The following IGF2BP3 variants were observed in gnomAD, a reference collection of about 807,000 sequenced individuals.
The protein encoded by IGF2BP3 is insulin like growth factor 2 mRNA binding protein 3.
IGF2BP3 carries 9 observed loss-of-function variants against 73.8 expected under a neutral mutation model. The ratio of observed to expected loss-of-function variants is 0.12; its 90% confidence interval spans 0.07 to 0.21. The LOEUF is 0.21. Ranked by LOEUF, IGF2BP3 falls within the 10% of genes least tolerant of loss-of-function variation. The pLI is 1.00. For synonymous variants in IGF2BP3, 258 were observed against 256.7 expected (o/e 1.01, Z -0.05); for missense variants, 542 against 714.0 (o/e 0.76, Z 2.75).
chr7:23,429,333 T>A (rs1208050323), intron 2 of IGF2BP3, among the ~76,000 whole-genome samples: 1 of 152,208 alleles, frequency 6.6e-6, no homozygotes, highest in African/African-American at 2.4e-5. Flanking sequence ...GTTTATTTTC[T>A]CATTTAACCC....
chr7:23,424,734 T>C (rs774160642), intron 2 of IGF2BP3, among the ~76,000 whole-genome samples: 1 of 152,044 alleles, frequency 6.6e-6, no homozygotes, highest in Non-Finnish European at 1.5e-5. Flanking sequence ...CCTGCCTATC[T>C]ACAAAAAAAT....
At chr7:23,346,128 T>C in intron 7 of IGF2BP3, 66 bp from the exon 8 acceptor site, 1 of 1,528,046 alleles carries the variant, frequency 6.5e-7, no homozygotes, top group South Asian at 1.2e-5. Context: ...AAAGACAATA[T>C]TCACTCATTA....
intron 2 of IGF2BP3, among the ~76,000 whole-genome samples, chr7:23,464,309 T>C (rs932894858): frequency 2.6e-5 from 4 of 152,328 alleles, no homozygotes; most frequent in East Asian, 1.9e-4. Flanking sequence ...ACAAGACTAA[T>C]ATGGAAATAA....
chr7:23,343,903 ACAGCTAATAATT>A (rs1265105787), intron 8 of IGF2BP3, 50 bp from the exon 9 acceptor site: 2 of 1,582,042 alleles, frequency 1.3e-6, no homozygotes, highest in Non-Finnish European at 1.7e-6. Flanking sequence ...TTGGAGGAAG[ACAGCTAATAATT>A]CAGCCACAGA....
rs1044908029 is a variant in IGF2BP3, at chr7:23,469,792, C to A, written c.175+144G>T. The A allele has an allele frequency of 4.5e-4, 170 of 381,926 alleles. No individual in the cohort carries two copies. Among genetic ancestry groups the A allele is most frequent in the Non-Finnish European group, 8.9e-5 (20 of 224,446 alleles). The allele number at this position is 381,926 out of a possible 1,614,324, so 23.7% of individuals were successfully genotyped here. On this transcript the variant is annotated intron_variant, in intron 1 of 14. Coordinates refer to ENST00000258729, the MANE Select transcript of IGF2BP3 (RefSeq NM_006547.3). The surrounding 1 kb of genome is among the most constrained non-coding windows in gnomAD (Gnocchi z 6.1). ...GCCGGAGCTGAGGAGAGCCCCGGCC[C>A]CCACGCGCGTGGGTGTGGGCGCTCA...
At chr7:23,453,318 G>C (rs991024453) in intron 2 of IGF2BP3, among the ~76,000 whole-genome samples, 2 of 152,188 alleles carry the variant, frequency 1.3e-5, no homozygotes, top group African/African-American at 4.8e-5. Flanking sequence ...ACAACTCAAA[G>C]ATAGGCAATT....
intron 3 of IGF2BP3, among the ~76,000 whole-genome samples, chr7:23,395,148 T>TC (rs1426310635): frequency 1.3e-5 from 2 of 152,216 alleles, no homozygotes; most frequent in East Asian, 3.8e-4. Context: ...ACTCATTTTT[T>TC]CAACACTAAA....
Position 23,469,848 on chromosome 7 carries a change from G to C in IGF2BP3, c.175+88C>G, listed in dbSNP as rs907975319. 5.4e-6 allele frequency: 5 copies of C among 925,848 alleles called. No homozygotes were observed. Among genetic ancestry groups the C allele is most frequent in the Non-Finnish European group, 5.7e-6 (4 of 705,642 alleles). 57.4% of individuals were successfully genotyped at this position (925,848 alleles called of 1,614,324 possible). A position where few individuals can be genotyped will look rare whatever the true frequency, so the allele number is the denominator to read the frequency against. On this transcript the variant is annotated intron_variant, in intron 1 of 14. Transcript: ENST00000258729. This position sits in a 1 kb window ranked among gnomAD's most constrained non-coding sequence, Gnocchi z 6.1. Reference sequence around the variant, plus strand: ...CACCCCCGCTCCCCCAGCGCGCCGGGCCTGGGGCCCGCGGAGCCACCCGGT... The same window carrying C: ...CACCCCCGCTCCCCCAGCGCGCCGGCCCTGGGGCCCGCGGAGCCACCCGGT...
chr7:23,413,596 C>T (rs1163019916), intron 3 of IGF2BP3: 1 of 152,154 alleles, frequency 6.6e-6, no homozygotes, highest in Admixed American at 6.5e-5. Context: ...TCAAGTACTC[C>T]ACTAAGGCTT....
intron 2 of IGF2BP3, among the ~76,000 whole-genome samples, chr7:23,450,183 A>G (rs1303781988): frequency 1.3e-5 from 2 of 152,186 alleles, no homozygotes; most frequent in Non-Finnish European, 2.9e-5. Flanking sequence ...ATCCTTCAGT[A>G]TACATCCTTT....
chr7:23,470,128 T>TAA lies in IGF2BP3; in HGVS notation c.-20_-19dup. 1 of 1,542,748 alleles carries TAA rather than the reference T, an allele frequency of 6.5e-7. No homozygotes were observed. Among genetic ancestry groups the TAA allele is most frequent in the Non-Finnish European group, 8.8e-7 (1 of 1,141,036 alleles). On this transcript the variant is annotated 5_prime_UTR_variant, in exon 1 of 15. Coordinates refer to ENST00000258729, the MANE Select transcript of IGF2BP3 (RefSeq NM_006547.3). The stretch of plus-strand genomic sequence containing the variant: ...TTGTTCATTGTGAAGAGTGGTTGTT[T>TAA]AAAAAAAAATAACGAGAAAAAACGA...
At chr7:23,407,613 A>G (rs1012273669) in intron 3 of IGF2BP3, among the ~76,000 whole-genome samples, 5 of 150,708 alleles carry the variant, frequency 3.3e-5, no homozygotes, top group Non-Finnish European at 5.9e-5. Context: ...TGTCTCCAAA[A>G]AAAAAAAAAA....
intron 9 of IGF2BP3, among the ~76,000 whole-genome samples, chr7:23,342,754 A>G (rs1784743282): frequency 6.6e-6 from 1 of 152,184 alleles, no homozygotes; most frequent in Non-Finnish European, 1.5e-5. Context: ...GTTTAATTTT[A>G]TAAGGGTTGA....
chr7:23,368,260 C>A (rs1785437062), intron 3 of IGF2BP3, among the ~76,000 whole-genome samples: 2 of 149,326 alleles, frequency 1.3e-5, no homozygotes, highest in Non-Finnish European at 3.0e-5. Flanking sequence ...AACAGACAGA[C>A]CTTGAAAGTA....
chr7:23,428,385 T>C (rs1787575295), intron 2 of IGF2BP3, among the ~76,000 whole-genome samples: 1 of 151,690 alleles, frequency 6.6e-6, no homozygotes, highest in Non-Finnish European at 1.5e-5. Flanking sequence ...GGCAGGAGAA[T>C]CGCTTGAACT....
At chr7:23,459,522 A>G (rs1788395589) in intron 2 of IGF2BP3, among the ~76,000 whole-genome samples, 1 of 152,184 alleles carries the variant, frequency 6.6e-6, no homozygotes, top group African/African-American at 2.4e-5. Context: ...TCACGCATTT[A>G]GACCACCATT....
chr7:23,342,374 T>C (rs1218945699), intron 9 of IGF2BP3, among the ~76,000 whole-genome samples, 185 bp from the exon 10 acceptor site: 1 of 152,176 alleles, frequency 6.6e-6, no homozygotes, highest in Non-Finnish European at 1.5e-5. Flanking sequence ...CCCTTGGTAT[T>C]TTAAAATCTG....
At chr7:23,408,671 A>G (rs1786923113) in intron 3 of IGF2BP3, among the ~76,000 whole-genome samples, 1 of 152,200 alleles carries the variant, frequency 6.6e-6, no homozygotes, top group African/African-American at 2.4e-5. Flanking sequence ...GAAAAGAAGA[A>G]CTGCTATAAC....
chr7:23,357,935 T>C (rs2128506998), intron 5 of IGF2BP3, among the ~76,000 whole-genome samples: 1 of 152,336 alleles, frequency 6.6e-6, no homozygotes, highest in Admixed American at 6.5e-5. Context: ...GCTGCCTGGC[T>C]CCTCAGCATC....
Sources: gnomAD v4.1 joint callset for allele counts (sites outside exome capture counted in the v4.1 genomes callset) on GRCh38, gnomAD v4.1.1 for gene constraint, Gnocchi (gnomAD v3.1) non-coding constraint, MANE v1.5 for transcripts, NCBI Gene and HGNC (gene_info 2026-07-23, HGNC 2026-07-21) for gene names.